Variants in STKLD1 observed in about 807,000 individuals in gnomAD.
STKLD1 encodes serine/threonine kinase-like domain-containing protein STKLD1.
In STKLD1, 79 loss-of-function variants were observed where a neutral mutation model predicts 80.4. The ratio of observed to expected loss-of-function variants is 0.98; its 90% confidence interval spans 0.82 to 1.19. The LOEUF (loss-of-function observed/expected upper bound fraction) is 1.19. Ranked by LOEUF, STKLD1 falls within the 50% of genes most tolerant of loss-of-function variation. The pLI is 0.00. For missense variants in STKLD1, 841 were observed against 856.0 expected (o/e 0.98, Z 0.22); for synonymous variants, 393 against 357.6 (o/e 1.10, Z -1.12).
intron 8 of STKLD1, 69 bp from the exon 9 acceptor site, chr9:133,395,531 C>T: frequency 1.3e-6 from 2 of 1,534,620 alleles, no homozygotes; most frequent in Admixed American, 1.9e-5. Flanking sequence ...CTGGTCGTCC[C>T]CTGCCCATGC....
intron 2 of STKLD1, among the ~76,000 whole-genome samples, chr9:133,381,676 C>T (rs2130266835): frequency 2.6e-5 from 4 of 151,952 alleles, no homozygotes; most frequent in African/African-American, 7.3e-5. Flanking sequence ...TCTCGAACTC[C>T]CAACCTCAGG....
chr9:133,384,109 C>T lies in STKLD1; in HGVS notation c.219+209C>T, dbSNP rs2130272176. The T allele has an allele frequency of 2.1e-5, 12 of 573,514 alleles. No homozygotes were observed. The highest frequency in any genetic ancestry group is 9.4e-5 in the African/African-American group (5 of 53,410). The allele number at this position is 573,514 out of a possible 1,614,324, so 35.5% of individuals were successfully genotyped here. ...AACACTCACTGCTAAATGCAGGTGC[C>T]GACAACTTAGAACATATGTTCCCAG... is the stretch of plus-strand genomic sequence containing the variant. On this transcript the variant is annotated intron_variant, in intron 3 of 17. Transcript: ENST00000371957. The surrounding 1 kb of genome is among the most constrained non-coding windows in gnomAD (Gnocchi z 4.3).
chr9:133,376,384 G>A lies in STKLD1; in HGVS notation c.-90G>A, dbSNP rs1837944084. The A allele has an allele frequency of 2.1e-6, 3 of 1,422,792 alleles. No individual in the cohort carries two copies. Among genetic ancestry groups the A allele is most frequent in the Non-Finnish European group, 2.8e-6 (3 of 1,081,372 alleles). 88.1% of individuals were successfully genotyped at this position (1,422,792 alleles called of 1,614,324 possible). A position where few individuals can be genotyped will look rare whatever the true frequency, so the allele number is the denominator to read the frequency against. On this transcript the variant is annotated 5_prime_UTR_variant, in exon 1 of 18. Transcript: ENST00000371957. Reference sequence around the variant, plus strand: ...GACGCCTGAGTGCCTCGAGGGCGCCGTTCGGGCGGGGAGGATCCCGCGGGT... The same window carrying A: ...GACGCCTGAGTGCCTCGAGGGCGCCATTCGGGCGGGGAGGATCCCGCGGGT...
Position 133,405,445 on chromosome 9 carries a change from A to C in STKLD1, c.*24A>C. 1 of 1,579,866 alleles carries C rather than the reference A, an allele frequency of 6.3e-7. No homozygotes were observed. The highest frequency in any genetic ancestry group is 8.6e-7 in the Non-Finnish European group (1 of 1,167,588). Reference sequence around the variant, plus strand: ...AGATGTTTGTATGGAACTGACCTTGATCTCCACGTGTATAGTTTTCAAGAC... The same window carrying C: ...AGATGTTTGTATGGAACTGACCTTGCTCTCCACGTGTATAGTTTTCAAGAC... On this transcript the variant is annotated 3_prime_UTR_variant, in exon 18 of 18. Coordinates refer to ENST00000371957, the MANE Select transcript of STKLD1 (RefSeq NM_153710.5).
intron 5 of STKLD1, chr9:133,388,826 G>A (rs1838320894): frequency 1.0e-6 from 1 of 985,428 alleles, no homozygotes; most frequent in Non-Finnish European, 1.2e-6. Context: ...GGGGCACACA[G>A]CTCTTCTCTT....
chr9:133,402,782 G>A, intron 13 of STKLD1, 96 bp from the exon 14 acceptor site: 1 of 1,380,694 alleles, frequency 7.2e-7, no homozygotes, highest in Non-Finnish European at 9.8e-7. Flanking sequence ...ACCTAGGATT[G>A]CAGGTCAAAT....
At chr9:133,399,365 G>C (rs937471410) in intron 11 of STKLD1, among the ~76,000 whole-genome samples, 14 of 152,250 alleles carry the variant, frequency 9.2e-5, no homozygotes, top group African/African-American at 2.9e-4. Flanking sequence ...CCTGGCCTTT[G>C]AGTAGGTAGC....
Position 133,397,981 on chromosome 9 carries a change from A to T in STKLD1, c.1007A>T (p.Gln336Leu). Residue 336 changes from glutamine (Q) to leucine (L), a missense_variant, in exon 11 of 18, where the codon CAG becomes CTG. By Grantham distance (113) the Gln-to-Leu change is moderately radical (BLOSUM62 -2). Transcript: ENST00000371957. ...CTTCCTGTCCCTGCAGAGGTCATGC[A>T]GAAATTCTCTGGCTGGCCCGAAGTC... ...GNVASILEVM[Q>L]KFSGWPEVQL... The T allele has an allele frequency of 6.2e-7, 1 of 1,613,540 alleles. No individual in the cohort carries two copies. Among genetic ancestry groups the T allele is most frequent in the Non-Finnish European group, 8.5e-7 (1 of 1,179,844 alleles).
rs2130280312 is a variant in STKLD1 at position 133,387,659 on chromosome 9, GT to G, written c.396+118del. 46 of 839,418 alleles carry G rather than the reference GT, an allele frequency of 5.5e-5. No homozygotes were observed. In the Admixed American group the frequency reaches 6.5e-4, roughly 12 times the overall value. The allele number at this position is 839,418 out of a possible 1,614,324, so 52.0% of individuals were successfully genotyped here. Reference sequence around the variant, plus strand: ...GGCAGGCACCATGGAGTCCAGCCTTGTTTTTTTCTTAAATGTGTGCCTCGAG... The same window carrying G: ...GGCAGGCACCATGGAGTCCAGCCTTGTTTTTTCTTAAATGTGTGCCTCGAG... On this transcript the variant is annotated intron_variant, in intron 5 of 17. Coordinates refer to ENST00000371957, the MANE Select transcript of STKLD1 (RefSeq NM_153710.5).
rs1449055402 is a variant in STKLD1 at position 133,394,098 on chromosome 9, G to A, written c.584-193G>A. On this transcript the variant is annotated intron_variant, in intron 7 of 17. Coordinates refer to ENST00000371957, the MANE Select transcript of STKLD1 (RefSeq NM_153710.5). This position sits in a 1 kb window ranked among gnomAD's most constrained non-coding sequence, Gnocchi z 4.9. Reference sequence around the variant, plus strand: ...GGCTCCAGATCAACACAAAGCTCCCGCTGATTGGGGCCTCTTCCTCCCCAC... The same window carrying A: ...GGCTCCAGATCAACACAAAGCTCCCACTGATTGGGGCCTCTTCCTCCCCAC... The A allele has an allele frequency of 1.5e-5, 9 of 611,868 alleles. No individual in the cohort carries two copies. The highest frequency in any genetic ancestry group is 2.1e-5 in the Non-Finnish European group (7 of 339,920). The allele number at this position is 611,868 out of a possible 1,614,324, so 37.9% of individuals were successfully genotyped here.
At position 133,404,719 on chromosome 9, in the gene STKLD1, C is replaced by T. The variant is rs1010320105; in HGVS notation, c.1733-70C>T. On this transcript the variant is annotated intron_variant, in intron 16 of 17. Transcript: ENST00000371957. ...CTGTGTGAGCTCTGGGGTCCCATCC[C>T]GTCCTGGGCAGAAGGCTCTTCCCTT... The T allele has an allele frequency of 2.2e-5, 34 of 1,565,522 alleles. No individual in the cohort carries two copies. The South Asian group carries it at 2.3e-4, about 11-fold the overall frequency.
intron 11 of STKLD1, among the ~76,000 whole-genome samples, chr9:133,399,156 T>A (rs1200025569): frequency 6.6e-6 from 1 of 152,214 alleles, no homozygotes; most frequent in Non-Finnish European, 1.5e-5. Context: ...GCTCGGCCAA[T>A]TTTTAAAACA....
intron 17 of STKLD1, 144 bp downstream of exon 17, chr9:133,405,073 A>G (rs1430927763): frequency 6.6e-6 from 9 of 1,371,570 alleles, no homozygotes; most frequent in Non-Finnish European, 8.9e-6. Context: ...CTCATTTGGC[A>G]TCTTCTGAGC....
chr9:133,387,218 A>C (rs2130279010), intron 4 of STKLD1, among the ~76,000 whole-genome samples: 1 of 152,272 alleles, frequency 6.6e-6, no homozygotes, highest in East Asian at 1.9e-4. Flanking sequence ...GGAAAGTCCA[A>C]GTAGCTTGGT....
chr9:133,378,338 G>A (rs1339245391), intron 1 of STKLD1, among the ~76,000 whole-genome samples: 1 of 152,032 alleles, frequency 6.6e-6, no homozygotes, highest in Non-Finnish European at 1.5e-5. Context: ...TCTGATGAAT[G>A]TCAGCCTCCA....
chr9:133,403,936 G>A lies in STKLD1; in HGVS notation c.1620G>A (p.Gln540=). The change falls in exon 16 of 18, where the codon CAG becomes CAA. Residue 540 remains glutamine (Q), a synonymous_variant. Transcript: ENST00000371957. ...TTTCTGCAGGCTGCATCAAGGAGCA[G>A]CAGTTTGAACAAGTGGTGGCGCTGC... ...LLSLLGCIKE[Q]QFEQVVALLL... 6.2e-7 allele frequency: 1 copy of A among 1,607,962 alleles called. No individual in the cohort carries two copies. Among genetic ancestry groups the A allele is most frequent in the South Asian group, 1.1e-5 (1 of 90,484 alleles).
intron 11 of STKLD1, 152 bp from the exon 12 acceptor site, chr9:133,400,261 T>G: frequency 1.6e-6 from 1 of 631,556 alleles, no homozygotes; most frequent in Admixed American, 2.5e-5. Context: ...ATGCACTCCA[T>G]GGACCTAGCG....
In STKLD1 at chr9:133,403,011, C is replaced by A. The variant is rs782365414; in HGVS notation, c.1473C>A (p.Asp491Glu). 1 of 1,563,790 alleles carries A rather than the reference C, an allele frequency of 6.4e-7. No homozygotes were observed. The highest frequency in any genetic ancestry group is 8.7e-7 in the Non-Finnish European group (1 of 1,154,346). ...GCCTGCTCTGGGCCCTCCTGCTGGA[C>A]GGTGAGGGGCCCTCCTCCTGCTGTC... ...GLGLLWALLL[D>E]GIIVNKAPLE... is the part of the protein sequence containing the mutation. The change falls in exon 14 of 18, where the codon GAC becomes GAA. Residue 491 changes from aspartate (D) to glutamate (E), a missense_variant and splice_region_variant. By Grantham distance (45) the Asp-to-Glu change is conservative. Coordinates refer to ENST00000371957, the MANE Select transcript of STKLD1 (RefSeq NM_153710.5).
intron 16 of STKLD1, among the ~76,000 whole-genome samples, chr9:133,404,286 AAC>A (rs1554778252): frequency 6.6e-6 from 1 of 152,178 alleles, no homozygotes; most frequent in African/African-American, 2.4e-5. Context: ...TCTGTCCATA[AAC>A]ACATCACATC....
Sources: allele counts gnomAD v4.1 joint callset (sites outside exome capture counted in the v4.1 genomes callset), GRCh38; gene constraint gnomAD v4.1.1; non-coding constraint Gnocchi (gnomAD v3.1); transcripts MANE v1.5; gene names NCBI Gene and HGNC (gene_info 2026-07-23, HGNC 2026-07-21).